FBXL13: variants seen among roughly 807,000 people sequenced by gnomAD.
FBXL13 encodes F-box and leucine-rich repeat protein 13.
FBXL13 carries 67 observed loss-of-function variants against 83.6 expected under a neutral mutation model. That is an observed-to-expected ratio of 0.80 (90% CI 0.66 to 0.98). The LOEUF is 0.98. Ranked by LOEUF, FBXL13 falls within the 50% of genes least tolerant of loss-of-function variation. The pLI is 0.00. For synonymous variants in FBXL13, 272 were observed against 299.5 expected (o/e 0.91, Z 0.95); for missense variants, 822 against 866.5 (o/e 0.95, Z 0.64).
At chr7:103,047,438 G>A (rs1382226142) in intron 2 of FBXL13, among the ~76,000 whole-genome samples, 1 of 152,082 alleles carries the variant, frequency 6.6e-6, no homozygotes, top group African/African-American at 2.4e-5. Flanking sequence ...ATAACTAATG[G>A]TTATCACAGG....
chr7:102,870,836 A>G (rs769141173), intron 16 of FBXL13, among the ~76,000 whole-genome samples: 3 of 152,144 alleles, frequency 2.0e-5, no homozygotes, highest in Admixed American at 6.5e-5. Context: ...GTATTGCTTC[A>G]GCCCAGGAGG....
At chr7:102,949,546 A>G (rs1306626679) in intron 8 of FBXL13, among the ~76,000 whole-genome samples, 1 of 152,138 alleles carries the variant, frequency 6.6e-6, no homozygotes, top group African/African-American at 2.4e-5. Context: ...TTGATTAAAT[A>G]ATTTTCAGTA....
At chr7:102,937,541 CTT>C (rs987357039) in intron 8 of FBXL13, among the ~76,000 whole-genome samples, 3 of 148,500 alleles carry the variant, frequency 2.0e-5, no homozygotes, top group African/African-American at 7.4e-5. Flanking sequence ...GTAGCTTTGT[CTT>C]TTAATACTAT....
At chr7:102,978,605 G>C in intron 6 of FBXL13, 1 of 181,394 alleles carries the variant, frequency 5.5e-6, no homozygotes, top group Non-Finnish European at 1.2e-5. Context: ...ATTTGGTGCT[G>C]ACGCCATTTT....
chr7:102,883,173 A>G, intron 14 of FBXL13, 132 bp downstream of exon 15: 1 of 849,130 alleles, frequency 1.2e-6, no homozygotes, highest in South Asian at 2.3e-5. Context: ...AGAACTCTGC[A>G]CTTACCTCTA....
intron 2 of FBXL13, among the ~76,000 whole-genome samples, chr7:103,046,223 C>A (rs144941106): frequency 0.016 from 2,388 of 152,230 alleles, 25 homozygotes; most frequent in South Asian, 0.034. Context: ...CTCCATAGGC[C>A]ACAAGTGTCA....
At chr7:102,858,309 G>GT (rs1806327791) in intron 16 of FBXL13, among the ~76,000 whole-genome samples, 1 of 152,172 alleles carries the variant, frequency 6.6e-6, no homozygotes, top group Non-Finnish European at 1.5e-5. Flanking sequence ...ATGGGGATTG[G>GT]TTGGTTAACA....
At chr7:102,937,794 C>T (rs1209270875) in intron 8 of FBXL13, among the ~76,000 whole-genome samples, 1 of 152,108 alleles carries the variant, frequency 6.6e-6, no homozygotes, top group African/African-American at 2.4e-5. Flanking sequence ...TGAAAATACA[C>T]AGAAGTTAAA....
chr7:102,966,145 C>T (rs1489478039), intron 7 of FBXL13, among the ~76,000 whole-genome samples: 1 of 152,210 alleles, frequency 6.6e-6, no homozygotes, highest in Non-Finnish European at 1.5e-5. Flanking sequence ...TTTCATCTTA[C>T]CAAACCTATC....
intron 6 of FBXL13, among the ~76,000 whole-genome samples, chr7:103,002,751 G>A (rs1004958684): frequency 6.6e-6 from 1 of 152,124 alleles, no homozygotes; most frequent in Non-Finnish European, 1.5e-5. Context: ...GGCCTATACG[G>A]TTTCCACTGT....
chr7:102,889,736 A>G (rs1468434252), intron 11 of FBXL13, among the ~76,000 whole-genome samples: 1 of 152,174 alleles, frequency 6.6e-6, no homozygotes, highest in African/African-American at 2.4e-5. Context: ...GCAAAGGACA[A>G]GAGCTCATCC....
intron 6 of FBXL13, among the ~76,000 whole-genome samples, chr7:103,013,205 C>T (rs1791844220): frequency 6.6e-6 from 1 of 152,214 alleles, no homozygotes; most frequent in South Asian, 2.1e-4. Context: ...AATACCCCCA[C>T]TGACACTATT....
intron 6 of FBXL13, among the ~76,000 whole-genome samples, chr7:103,005,835 T>C (rs1434854303): frequency 2.0e-5 from 3 of 152,002 alleles, no homozygotes; most frequent in Non-Finnish European, 2.9e-5. Context: ...AATAAGAGTT[T>C]AGACAGACTC....
intron 6 of FBXL13, among the ~76,000 whole-genome samples, chr7:102,985,366 G>A (rs1828817811): frequency 6.6e-6 from 1 of 152,192 alleles, no homozygotes; most frequent in Admixed American, 6.5e-5. Flanking sequence ...TCCTGAGTGA[G>A]CTTCCAACCA....
chr7:102,949,461 T>C (rs1823070836), intron 8 of FBXL13, among the ~76,000 whole-genome samples: 1 of 152,158 alleles, frequency 6.6e-6, no homozygotes, highest in Non-Finnish European at 1.5e-5. Context: ...TGTCCATCAT[T>C]CCTCTCTATG....
chr7:103,049,139 C>T (rs1432619744), intron 2 of FBXL13, among the ~76,000 whole-genome samples: 1 of 152,160 alleles, frequency 6.6e-6, no homozygotes, highest in Non-Finnish European at 1.5e-5. Context: ...TCTACAAGAT[C>T]CTTTCTTATA....
chr7:103,049,358 CT>C lies in FBXL13; in HGVS notation c.-1+6285del, dbSNP rs537985710. Among the ~76,000 whole-genome samples the C allele has an allele frequency of 3.9e-4, 59 of 152,298 alleles. 1 individual carries two copies. In the South Asian group the frequency reaches 9.9e-3, roughly 26 times the overall value. Reference sequence around the variant, plus strand: ...TAAATGTCTTTATTTTATCAATAATCTTTAAAGCTGTTTATATTTCCCAAAG... The same window carrying C: ...TAAATGTCTTTATTTTATCAATAATCTTAAAGCTGTTTATATTTCCCAAAG... On this transcript the variant is annotated intron_variant, in intron 2 of 19. Transcript: ENST00000313221.
At chr7:102,832,612 CAT>C (rs1257097597) in intron 18 of FBXL13, among the ~76,000 whole-genome samples, 9 of 152,166 alleles carry the variant, frequency 5.9e-5, no homozygotes, top group African/African-American at 1.7e-4. Flanking sequence ...ATCTTTGACA[CAT>C]GTTTATATTT....
chr7:102,976,399 C>T (rs899828395), intron 6 of FBXL13, among the ~76,000 whole-genome samples: 4 of 152,180 alleles, frequency 2.6e-5, no homozygotes, highest in African/African-American at 9.7e-5. Context: ...CCTTTTCCTT[C>T]ACTCACTCTT....
Sources: gnomAD v4.1 joint callset for allele counts (sites outside exome capture counted in the v4.1 genomes callset) on GRCh38, gnomAD v4.1.1 for gene constraint, MANE v1.5 for transcripts, NCBI Gene and HGNC (gene_info 2026-07-23, HGNC 2026-07-21) for gene names.